The following SLC39A8 variants were observed in gnomAD, a reference collection of about 807,000 sequenced individuals.
SLC39A8 encodes the protein solute carrier family 39 member 8, also known as metal cation symporter ZIP8.
A neutral mutation model predicts 40.4 loss-of-function variants in SLC39A8; 15 were observed. That is an observed-to-expected ratio of 0.37 (90% CI 0.25 to 0.57). The LOEUF (loss-of-function observed/expected upper bound fraction) is 0.57, where lower values mean the gene tolerates loss of function less well. SLC39A8 is among the 20% of genes least tolerant of loss of function. The pLI, the probability that SLC39A8 is intolerant of heterozygous loss-of-function variation, is 0.75. For missense variants in SLC39A8, 472 were observed against 558.8 expected, an observed-to-expected ratio of 0.84 and a Z score of 1.57; for synonymous variants, 223 against 221.6, an observed-to-expected ratio of 1.01 and a Z score of -0.06.
chr4:102,283,175 A>G (rs993205570), intron 6 of SLC39A8, among the ~76,000 whole-genome samples: 1 of 152,248 alleles, frequency 6.6e-6, no homozygotes, highest in Non-Finnish European at 1.5e-5. Context: ...TATTGTTTGC[A>G]AGATGCTTTT....
chr4:102,288,445 T>C (rs1290750740), intron 6 of SLC39A8, among the ~76,000 whole-genome samples: 1 of 152,078 alleles, frequency 6.6e-6, no homozygotes, highest in East Asian at 1.9e-4. Context: ...TTATGCTAAC[T>C]AATAATCCTA....
chr4:102,276,859 G>A lies in SLC39A8; in HGVS notation c.841-8780C>T, dbSNP rs183974618. On this transcript the variant is annotated intron_variant, in intron 6 of 8. Coordinates refer to ENST00000356736, the MANE Select transcript of SLC39A8 (RefSeq NM_001135146.2). ...ATATGCAAACCAATAAACACAATCC[G>A]TCACATAAACAGAACCAATGACAAA... Among the ~76,000 whole-genome samples the A allele has an allele frequency of 4.3e-3, 647 of 152,000 alleles. 1 individual carries two copies. Among genetic ancestry groups the A allele is most frequent in the Non-Finnish European group, 5.7e-3 (387 of 67,940 alleles).
At chr4:102,264,080 G>A (rs141190995) in intron 8 of SLC39A8, among the ~76,000 whole-genome samples, 2 of 152,252 alleles carry the variant, frequency 1.3e-5, no homozygotes, top group African/African-American at 2.4e-5. Flanking sequence ...AATCACAAAT[G>A]TTCTTCATAT....
At chr4:102,258,111 G>GTT (rs761041063), downstream of SLC39A8, among the ~76,000 whole-genome samples, 261 of 143,860 alleles carry the variant, frequency 1.8e-3, 6 homozygotes, top group Middle Eastern at 0.014. Context: ...TTTGTTTTTT[G>GTT]TTTTTTTTTT....
rs1433022926 is a variant in SLC39A8, at chr4:102,262,409, G to C, written c.*635C>G. On this transcript the variant is annotated 3_prime_UTR_variant, in exon 9 of 9. Transcript: ENST00000356736. ...TAAGCCTCTAAGCCTGAACTTAGCA[G>C]GGCTAGCAAAACTTTATTTATTTCC... 1 of 985,358 alleles carries C rather than the reference G, an allele frequency of 1.0e-6. No individual in the cohort carries two copies. Among genetic ancestry groups the C allele is most frequent in the Non-Finnish European group, 1.2e-6 (1 of 829,914 alleles). The allele number at this position is 985,358 out of a possible 1,614,324, so 61.0% of individuals were successfully genotyped here. A position where few individuals can be genotyped will look rare whatever the true frequency, so the allele number is the denominator to read the frequency against.
At chr4:102,290,013 C>T (rs563383609) in intron 6 of SLC39A8, among the ~76,000 whole-genome samples, 10 of 152,218 alleles carry the variant, frequency 6.6e-5, no homozygotes, top group Non-Finnish European at 1.3e-4. Context: ...AGCATGTTCT[C>T]GCATGTACAG....
At chr4:102,316,942 T>G (rs907020352) in intron 2 of SLC39A8, among the ~76,000 whole-genome samples, 6 of 152,170 alleles carry the variant, frequency 3.9e-5, no homozygotes, top group Admixed American at 3.9e-4. Context: ...CTCTGCTATA[T>G]GAGGAAGCGA....
intron 6 of SLC39A8, among the ~76,000 whole-genome samples, chr4:102,279,223 G>C (rs1022287069): frequency 6.6e-6 from 1 of 152,014 alleles, no homozygotes; most frequent in Non-Finnish European, 1.5e-5. Flanking sequence ...ACTGTCCAAG[G>C]CAGTAATTCT....
chr4:102,259,586 C>G, downstream of SLC39A8: 1 of 1,200,736 alleles, frequency 8.3e-7, no homozygotes, highest in East Asian at 2.6e-5. Context: ...TGTGCTCAAA[C>G]TGTAAATCTA....
downstream of SLC39A8, among the ~76,000 whole-genome samples, chr4:102,260,053 G>C (rs1312166128): frequency 4.6e-5 from 7 of 152,192 alleles, no homozygotes; most frequent in Admixed American, 2.6e-4. Context: ...AGTAGTTCAA[G>C]TGTGTAAAGA....
chr4:102,322,352 C>G (rs1008662904), intron 2 of SLC39A8, among the ~76,000 whole-genome samples: 1 of 152,122 alleles, frequency 6.6e-6, no homozygotes, highest in Non-Finnish European at 1.5e-5. Flanking sequence ...CCAATGAATT[C>G]CCTTTCGGCT....
chr4:102,272,470 G>A (rs202092927), intron 6 of SLC39A8, among the ~76,000 whole-genome samples: 1 of 151,810 alleles, frequency 6.6e-6, no homozygotes. Context: ...AATTACCCAG[G>A]TATGGTGTCA....
intron 6 of SLC39A8, among the ~76,000 whole-genome samples, chr4:102,288,285 T>C (rs1317853654): frequency 2.6e-5 from 4 of 152,110 alleles, no homozygotes; most frequent in African/African-American, 9.7e-5. Context: ...ATTGTCATTG[T>C]TTTGGGACAC....
intron 2 of SLC39A8, among the ~76,000 whole-genome samples, chr4:102,320,331 T>C (rs1243357255): frequency 2.0e-4 from 26 of 130,296 alleles, no homozygotes; most frequent in Non-Finnish European, 3.7e-4. Context: ...TGAGAATGTA[T>C]ATATGAGTAT....
chr4:102,263,325 A>G, intron 8 of SLC39A8, 132 bp from the exon 9 acceptor site: 1 of 704,996 alleles, frequency 1.4e-6, no homozygotes, highest in South Asian at 1.9e-5. Flanking sequence ...ACATCTCAAT[A>G]AAGCAAGTTA....
intron 2 of SLC39A8, among the ~76,000 whole-genome samples, chr4:102,331,637 A>G (rs913999032): frequency 6.6e-6 from 1 of 152,238 alleles, no homozygotes; most frequent in Non-Finnish European, 1.5e-5. Context: ...GCTGCCATTT[A>G]CTTTCTTCAC....
At chr4:102,338,589 G>A (rs1283807755) in intron 2 of SLC39A8, among the ~76,000 whole-genome samples, 1 of 152,202 alleles carries the variant, frequency 6.6e-6, no homozygotes, top group African/African-American at 2.4e-5. Flanking sequence ...ACTAAGCAAT[G>A]TAACCAGATA....
chr4:102,273,859 G>A lies in SLC39A8; in HGVS notation c.841-5780C>T, dbSNP rs1732489284. Among the ~76,000 whole-genome samples, 3 of 152,088 alleles carry A rather than the reference G, an allele frequency of 2.0e-5. No individual in the cohort carries two copies. The South Asian group carries it at 6.2e-4, about 32-fold the overall frequency. ...CAGAAGACCTGCAGAAGAGGGGTCT[G>A]ACTGTTAGAAGGAAAACCAACAAAC... is the stretch of plus-strand genomic sequence containing the variant. On this transcript the variant is annotated intron_variant, in intron 6 of 8. Coordinates refer to ENST00000356736, the MANE Select transcript of SLC39A8 (RefSeq NM_001135146.2).
chr4:102,334,538 T>A (rs1300119536), intron 2 of SLC39A8, among the ~76,000 whole-genome samples: 1 of 152,124 alleles, frequency 6.6e-6, no homozygotes, highest in East Asian at 1.9e-4. Context: ...GAAAAGACAT[T>A]TTTTCCCTCT....
Sources: allele counts gnomAD v4.1 joint callset (sites outside exome capture counted in the v4.1 genomes callset), GRCh38; gene constraint gnomAD v4.1.1; transcripts MANE v1.5; gene names NCBI Gene and HGNC (gene_info 2026-07-23, HGNC 2026-07-21).